C1orf87: variants seen among roughly 807,000 people sequenced by gnomAD.
The protein encoded by C1orf87 is uncharacterized protein C1orf87.
A neutral mutation model predicts 60.5 loss-of-function variants in C1orf87; 58 were observed. The ratio of observed to expected loss-of-function variants is 0.96; its 90% CI spans 0.78 to 1.19. C1orf87 has a LOEUF of 1.19. Among genes scored for constraint, C1orf87 ranks in the 50% most tolerant of loss-of-function variants. C1orf87 has a pLI of 0.00. For missense variants in C1orf87, 673 were observed against 638.6 expected (o/e 1.05, Z -0.58); for synonymous variants, 236 against 227.4 (o/e 1.04, Z -0.34).
intron 7 of C1orf87, among the ~76,000 whole-genome samples, chr1:60,026,553 CAAGG>C (rs1226537601): frequency 2.0e-5 from 3 of 147,066 alleles, no homozygotes; most frequent in East Asian, 2.0e-4. Flanking sequence ...AGAGAGGAAA[CAAGG>C]GAGGGAGAGA....
intron 9 of C1orf87, among the ~76,000 whole-genome samples, chr1:60,009,097 A>G (rs1438397339): frequency 2.0e-5 from 3 of 152,116 alleles, no homozygotes; most frequent in Non-Finnish European, 4.4e-5. Context: ...ATCTGAGCTT[A>G]TTTGGAAACA....
At chr1:60,025,571 A>G (rs1645193494) in intron 7 of C1orf87, 73 bp from the exon 8 acceptor site, 3 of 1,180,716 alleles carry the variant, frequency 2.5e-6, no homozygotes, top group Admixed American at 2.4e-5. Flanking sequence ...GAATACAATT[A>G]ATATTTGTTT....
chr1:60,019,063 G>A (rs897828871), intron 8 of C1orf87, among the ~76,000 whole-genome samples: 1 of 152,118 alleles, frequency 6.6e-6, no homozygotes, highest in African/African-American at 2.4e-5. Context: ...CATTTACTGT[G>A]TACCTATCAT....
At chr1:60,047,908 G>A (rs1036028232) in intron 3 of C1orf87, among the ~76,000 whole-genome samples, 3 of 152,030 alleles carry the variant, frequency 2.0e-5, no homozygotes, top group African/African-American at 7.2e-5. Context: ...TGAAGTCACT[G>A]TGTTTTAAAA....
chr1:60,019,660 G>C (rs1279602024), intron 8 of C1orf87, among the ~76,000 whole-genome samples: 1 of 152,170 alleles, frequency 6.6e-6, no homozygotes, highest in East Asian at 1.9e-4. Flanking sequence ...TATGGACAAT[G>C]ACGTCCAGGC....
chr1:60,002,259 T>C (rs1312936664), intron 9 of C1orf87, among the ~76,000 whole-genome samples: 3 of 152,140 alleles, frequency 2.0e-5, no homozygotes, highest in Non-Finnish European at 4.4e-5. Flanking sequence ...GATTCCTGGC[T>C]TTGTTCCTTG....
chr1:60,037,910 C>T, intron 6 of C1orf87, 82 bp downstream of exon 6: 1 of 797,630 alleles, frequency 1.3e-6, no homozygotes, highest in African/African-American at 1.7e-5. Context: ...ATAAGCCACC[C>T]AGTTTATGGT....
intron 10 of C1orf87, among the ~76,000 whole-genome samples, chr1:59,999,946 A>G (rs1483662918): frequency 6.6e-6 from 1 of 152,186 alleles, no homozygotes; most frequent in East Asian, 1.9e-4. Flanking sequence ...CTTCCCCAAC[A>G]GCGCCAGGCT....
intron 2 of C1orf87, among the ~76,000 whole-genome samples, chr1:60,062,854 AC>A (rs1165314527): frequency 3.9e-5 from 6 of 152,178 alleles, no homozygotes; most frequent in Non-Finnish European, 5.9e-5. Context: ...TTTGGGATCA[AC>A]GGACACTTAT....
At chr1:60,026,335 C>T (rs1645197745) in intron 7 of C1orf87, among the ~76,000 whole-genome samples, 2 of 152,116 alleles carry the variant, frequency 1.3e-5, no homozygotes, top group Non-Finnish European at 2.9e-5. Context: ...CTAAACAAGA[C>T]TAGTACTTTC....
At chr1:60,058,059 C>A (rs1484476214) in intron 2 of C1orf87, among the ~76,000 whole-genome samples, 1 of 152,134 alleles carries the variant, frequency 6.6e-6, no homozygotes, top group African/African-American at 2.4e-5. Context: ...GTATATTTGA[C>A]AAATAGTTTT....
chr1:60,053,215 G>C (rs1407585098), intron 3 of C1orf87, among the ~76,000 whole-genome samples: 1 of 152,164 alleles, frequency 6.6e-6, no homozygotes, highest in Non-Finnish European at 1.5e-5. Flanking sequence ...TGGCTTAAGT[G>C]CCCATAAGGC....
At chr1:60,044,552 G>A (rs1185647045) in intron 3 of C1orf87, among the ~76,000 whole-genome samples, 1 of 152,164 alleles carries the variant, frequency 6.6e-6, no homozygotes, top group East Asian at 1.9e-4. Context: ...ACATCAAGAA[G>A]AGCCCTGAAT....
At chr1:59,991,193 C>A (rs561326895) in intron 11 of C1orf87, among the ~76,000 whole-genome samples, 2 of 152,274 alleles carry the variant, frequency 1.3e-5, no homozygotes, top group Non-Finnish European at 2.9e-5. Context: ...GTCCTGAGTT[C>A]TTTTTATCTT....
intron 3 of C1orf87, among the ~76,000 whole-genome samples, chr1:60,043,607 G>A (rs1030417309): frequency 5.9e-5 from 9 of 152,024 alleles, no homozygotes; most frequent in Non-Finnish European, 1.2e-4. Flanking sequence ...GGATGGTCTC[G>A]ATCTCTTGAC....
chr1:60,034,892 T>A (rs1574312593), intron 6 of C1orf87, among the ~76,000 whole-genome samples: 1 of 152,160 alleles, frequency 6.6e-6, no homozygotes, highest in Non-Finnish European at 1.5e-5. Flanking sequence ...TCATTTTAGA[T>A]GTATATAACT....
chr1:59,998,471 T>C (rs888679445), intron 10 of C1orf87, among the ~76,000 whole-genome samples: 3 of 136,862 alleles, frequency 2.2e-5, no homozygotes, highest in African/African-American at 5.4e-5. Context: ...TAGAATTAAA[T>C]AGACACATCA....
Position 60,013,914 on chromosome 1 carries a change from A to G in C1orf87, c.1128-3458T>C, listed in dbSNP as rs564271380. Among the ~76,000 whole-genome samples the G allele has an allele frequency of 4.5e-4, 68 of 152,100 alleles. 3 individuals carry two copies. The South Asian group carries it at 0.013, about 29-fold the overall frequency. ...TCACCACATTTGTTGTATATCACAT[A>G]CCCCATATTGGTATAGTATGCCATA... is the stretch of plus-strand genomic sequence containing the variant. On this transcript the variant is annotated intron_variant, in intron 8 of 11. Transcript: ENST00000371201.
intron 2 of C1orf87, among the ~76,000 whole-genome samples, chr1:60,057,858 T>G (rs964162075): frequency 6.6e-6 from 1 of 152,122 alleles, no homozygotes; most frequent in African/African-American, 2.4e-5. Context: ...CTGGGCCAAC[T>G]GAGTGGCCAG....
Sources: gnomAD v4.1 joint callset for allele counts (sites outside exome capture counted in the v4.1 genomes callset) on GRCh38, gnomAD v4.1.1 for gene constraint, MANE v1.5 for transcripts, NCBI Gene and HGNC (gene_info 2026-07-23, HGNC 2026-07-21) for gene names.